GLI2: variants seen among roughly 807,000 people sequenced by gnomAD.
GLI2 encodes GLI family zinc finger 2, also known as transcription activator GLI2.
GLI2 carries 22 observed loss-of-function variants against 78.9 expected under a neutral mutation model. The ratio of observed to expected loss-of-function variants is 0.28; its 90% confidence interval spans 0.20 to 0.40. The LOEUF is 0.40. Among genes scored for constraint, GLI2 ranks in the 10% least tolerant of loss-of-function variants. The probability of loss-of-function intolerance (pLI) is 1.00; values close to 1 mark genes in which losing one functional copy is unlikely to be tolerated. For missense variants in GLI2, 2,097 were observed against 2,213.2 expected (o/e 0.95, Z 1.05); for synonymous variants, 974 against 963.7 (o/e 1.01, Z -0.20).
rs1233125074 is a variant in GLI2, at chr2:120,988,921, G to T, written c.2956G>T (p.Asp986Tyr). ...VNPGPLPPCA[D>Y]RRGLRLQSHP... ...CCCCGGCCCGCTGCCGCCCTGTGCC[G>T]ACAGGCGAGGCCTCCGCCTGCAGAG... The change falls in exon 14 of 14, where the codon GAC (aspartate) becomes TAC (tyrosine). Residue 986 changes from aspartate (D) to tyrosine (Y), a missense_variant. By Grantham distance (160) the Asp-to-Tyr change is radical. Around this residue, in one of 5 missense-constraint regions of GLI2, gnomAD observed 1,290 missense variants for 1,261.7 expected, o/e 1.02. Coordinates refer to ENST00000361492, the MANE Select transcript of GLI2 (RefSeq NM_001374353.1). 1 of 1,520,824 alleles carries T rather than the reference G, an allele frequency of 6.6e-7. No homozygotes were observed. The highest frequency in any genetic ancestry group is 1.2e-5 in the South Asian group (1 of 83,972). The allele number at this position is 1,520,824 out of a possible 1,614,324, so 94.2% of individuals were successfully genotyped here.
At chr2:120,919,907 G>A (rs1435263405) in intron 2 of GLI2, among the ~76,000 whole-genome samples, 1 of 152,188 alleles carries the variant, frequency 6.6e-6, no homozygotes, top group African/African-American at 2.4e-5. Context: ...TTCCTTCCCG[G>A]GCCCACAAGC....
intron 2 of GLI2, among the ~76,000 whole-genome samples, chr2:120,890,656 A>G (rs1486919425): frequency 1.3e-5 from 2 of 152,220 alleles, no homozygotes; most frequent in Non-Finnish European, 2.9e-5. Flanking sequence ...TACTTCTTAC[A>G]GCTGCATTTG....
intron 5 of GLI2, among the ~76,000 whole-genome samples, chr2:120,958,666 A>T (rs1221667261): frequency 6.6e-6 from 1 of 152,046 alleles, no homozygotes; most frequent in African/African-American, 2.4e-5. Flanking sequence ...TCTCCACTGC[A>T]CACTGGTCTT....
intron 2 of GLI2, among the ~76,000 whole-genome samples, chr2:120,842,514 G>A (rs942444950): frequency 2.0e-5 from 3 of 152,064 alleles, no homozygotes; most frequent in Admixed American, 6.6e-5. Flanking sequence ...CCAATCTTCC[G>A]CTATTTTCAA....
In GLI2 at chr2:120,989,633, C is replaced by T. The variant is rs1013426392; in HGVS notation, c.3668C>T (p.Thr1223Ile). The part of the protein sequence containing the change: ...AGSQCPGMTT[T>I]MSPHACYGQV... Reference sequence around the variant, plus strand: ...AGCCAGTGTCCTGGCATGACTACCACTATGAGCCCCCATGCCTGCTATGGC... The same window carrying T: ...AGCCAGTGTCCTGGCATGACTACCATTATGAGCCCCCATGCCTGCTATGGC... Residue 1223 changes from threonine (T) to isoleucine (I), a missense_variant, in exon 14 of 14, where the codon ACT (threonine) becomes ATT (isoleucine). This residue lies in a region of GLI2 where 1,290 missense variants were observed against 1,261.7 expected (regional missense o/e 1.02). Transcript: ENST00000361492. 6.2e-7 allele frequency: 1 copy of T among 1,613,360 alleles called. No homozygotes were observed. Among genetic ancestry groups the T allele is most frequent in the African/African-American group, 1.3e-5 (1 of 75,066 alleles).
At chr2:120,943,286 A>G (rs1680552871) in intron 3 of GLI2, among the ~76,000 whole-genome samples, 1 of 152,054 alleles carries the variant, frequency 6.6e-6, no homozygotes, top group African/African-American at 2.4e-5. Flanking sequence ...TAACTGGGGG[A>G]AGGGATGAAG....
At chr2:120,815,773 G>T (rs757052316) in intron 2 of GLI2, among the ~76,000 whole-genome samples, 20 of 152,314 alleles carry the variant, frequency 1.3e-4, no homozygotes, top group Middle Eastern at 3.4e-3. Flanking sequence ...CTGCCCAGTC[G>T]TGGGAGCAGT....
At chr2:120,837,273 A>C (rs951795488) in intron 2 of GLI2, among the ~76,000 whole-genome samples, 3 of 151,934 alleles carry the variant, frequency 2.0e-5, no homozygotes, top group African/African-American at 7.3e-5. Flanking sequence ...GGGCGCCTGT[A>C]GTCCCAGCTA....
chr2:120,823,160 G>A (rs558293070), intron 2 of GLI2, among the ~76,000 whole-genome samples: 19 of 152,328 alleles, frequency 1.2e-4, no homozygotes, highest in African/African-American at 3.6e-4. Context: ...TTGGTATGCC[G>A]TTTGGTCCCG....
rs149778827 is a variant in GLI2, at chr2:120,905,867, G to GCCC, written c.149-21486_149-21484dup. ...GGGCTGATTGGGGGAGGGCTACACTGCCCCCCCCCCGCCCCCACATGGGCC... is the reference window on the plus strand; with the variant it reads ...GGGCTGATTGGGGGAGGGCTACACTGCCCCCCCCCCCCCGCCCCCACATGGGCC... On this transcript the variant is annotated intron_variant, in intron 2 of 13. Coordinates refer to ENST00000361492, the MANE Select transcript of GLI2 (RefSeq NM_001374353.1). Among the ~76,000 whole-genome samples, 669 of 145,738 alleles carry GCCC rather than the reference G, an allele frequency of 4.6e-3. 5 individuals carry two copies. Among genetic ancestry groups the GCCC allele is most frequent in the African/African-American group, 0.016 (603 of 38,324 alleles).
intron 3 of GLI2, among the ~76,000 whole-genome samples, chr2:120,948,524 C>T (rs1680825762): frequency 6.6e-6 from 1 of 152,198 alleles, no homozygotes; most frequent in Non-Finnish European, 1.5e-5. Context: ...CCCCACCTGC[C>T]ATCTCCAGGC....
At position 120,954,003 on chromosome 2, in the gene GLI2, C is replaced by T. The variant is rs375845995; in HGVS notation, c.458-1242C>T. Among the ~76,000 whole-genome samples, 27 of 152,258 alleles carry T rather than the reference C, an allele frequency of 1.8e-4. No individual in the cohort carries two copies. In the South Asian group the frequency reaches 2.1e-3, roughly 12 times the overall value. On this transcript the variant is annotated intron_variant, in intron 4 of 13. Coordinates refer to ENST00000361492, the MANE Select transcript of GLI2 (RefSeq NM_001374353.1). The stretch of plus-strand genomic sequence containing the variant: ...ACCCACGTACCCGCTTACAGCCCCA[C>T]GACATAGCAGGGACCTGGCTAATTT...
At chr2:120,974,665 C>G (rs547477159) in intron 8 of GLI2, among the ~76,000 whole-genome samples, 1 of 152,166 alleles carries the variant, frequency 6.6e-6, no homozygotes, top group African/African-American at 2.4e-5. Context: ...CACAGCACTT[C>G]GATGAAGACA....
Position 120,858,500 on chromosome 2 carries a change from G to A in GLI2, c.148+61032G>A, listed in dbSNP as rs557034752. On this transcript the variant is annotated intron_variant, in intron 2 of 13. Coordinates refer to ENST00000361492, the MANE Select transcript of GLI2 (RefSeq NM_001374353.1). ...CAGCCTCTGATGTTTCTGGCCTCTC[G>A]CCTCCACCCTTGTCCTGTCTCATCC... 1.2e-4 allele frequency among the ~76,000 whole-genome samples: 18 copies of A among 152,276 alleles called. 1 individual carries two copies. The highest frequency in any genetic ancestry group is 5.2e-4 in the Admixed American group (8 of 15,302).
chr2:120,859,858 G>T (rs1303688306), intron 2 of GLI2, among the ~76,000 whole-genome samples: 2 of 151,548 alleles, frequency 1.3e-5, no homozygotes, highest in African/African-American at 4.9e-5. Flanking sequence ...CTGGCCTCTT[G>T]GCCAGGCTGG....
chr2:120,873,537 A>G (rs1391778911), intron 2 of GLI2, among the ~76,000 whole-genome samples: 1 of 152,226 alleles, frequency 6.6e-6, no homozygotes, highest in East Asian at 1.9e-4. Context: ...GGACACCCAC[A>G]GTGTCTATTC....
At chr2:120,970,741 A>G (rs1445652864) in intron 7 of GLI2, 135 bp downstream of exon 7, 14 of 733,466 alleles carry the variant, frequency 1.9e-5, no homozygotes, top group East Asian at 5.4e-5. Context: ...CCTTCTGGGC[A>G]GAGGCCACGT....
At chr2:120,835,675 C>T (rs868182763) in intron 2 of GLI2, among the ~76,000 whole-genome samples, 11 of 152,112 alleles carry the variant, frequency 7.2e-5, no homozygotes, top group East Asian at 1.9e-4. Context: ...TGTGAGCCAC[C>T]GCATCGGCCC....
At chr2:120,771,021 C>G (rs1683505108) in intron 1 of GLI2, among the ~76,000 whole-genome samples, 1 of 152,234 alleles carries the variant, frequency 6.6e-6, no homozygotes, top group Non-Finnish European at 1.5e-5. Context: ...TGCATTTTGT[C>G]TGGCTGCCTG....
Sources: allele counts gnomAD v4.1 joint callset (sites outside exome capture counted in the v4.1 genomes callset), GRCh38; gene constraint gnomAD v4.1.1; regional missense constraint gnomAD v4.1.1; transcripts MANE v1.5; gene names NCBI Gene and HGNC (gene_info 2026-07-23, HGNC 2026-07-21).